SYT2: variants seen among roughly 807,000 people sequenced by gnomAD.
SYT2 encodes the protein synaptotagmin 2.
A neutral mutation model predicts 39.9 loss-of-function variants in SYT2; 15 were observed. That is an observed-to-expected ratio of 0.38 (90% CI 0.25 to 0.58). The LOEUF is 0.58. SYT2 is among the 20% of genes least tolerant of loss of function. SYT2 has a pLI of 0.70. For missense variants in SYT2, 389 were observed against 530.3 expected (o/e 0.73, Z 2.62); for synonymous variants, 181 against 204.5 (o/e 0.89, Z 0.98).
intron 1 of SYT2, among the ~76,000 whole-genome samples, chr1:202,683,164 A>G (rs528125573): frequency 3.1e-4 from 47 of 152,290 alleles, no homozygotes; most frequent in Middle Eastern, 6.8e-3. Context: ...AGCATTTTGG[A>G]AAATGCATAC....
chr1:202,683,188 A>G (rs1364864840), intron 1 of SYT2, among the ~76,000 whole-genome samples: 1 of 152,236 alleles, frequency 6.6e-6, no homozygotes, highest in Non-Finnish European at 1.5e-5. Flanking sequence ...ACAATGACCA[A>G]GCAAAACATA....
In SYT2 at chr1:202,602,538, AC is replaced by A; in HGVS notation, c.472del (p.Val158TrpfsTer43). 6.2e-7 allele frequency: 1 copy of A among 1,612,466 alleles called. No homozygotes were observed. The highest frequency in any genetic ancestry group is 8.5e-7 in the Non-Finnish European group (1 of 1,179,456). ...DYDFQANQLT[V>X]GVLQAAELPA... ...CAGTTCAGCAGCCTGCAGAACGCCC[AC>A]AGTAAGCTGTGGAGAGAGATGGGGA... On this transcript the variant is annotated frameshift_variant, in exon 5 of 9. Coordinates refer to ENST00000367268, the MANE Select transcript of SYT2 (RefSeq NM_177402.5). LOFTEE classifies it high-confidence loss of function.
intron 1 of SYT2, among the ~76,000 whole-genome samples, chr1:202,674,299 G>T (rs1377548638): frequency 6.6e-6 from 1 of 152,040 alleles, no homozygotes; most frequent in South Asian, 2.1e-4. Flanking sequence ...GCAGGGTTTT[G>T]CCATATTGGC....
chr1:202,664,955 G>C (rs893967260), intron 1 of SYT2, among the ~76,000 whole-genome samples: 1 of 152,104 alleles, frequency 6.6e-6, no homozygotes, highest in Non-Finnish European at 1.5e-5. Flanking sequence ...CACTGCACCC[G>C]GACTTCTCAG....
At chr1:202,646,565 G>C (rs1400880304) in intron 1 of SYT2, among the ~76,000 whole-genome samples, 2 of 152,222 alleles carry the variant, frequency 1.3e-5, no homozygotes, top group Non-Finnish European at 2.9e-5. Context: ...TCCTCATGCT[G>C]CCTCTGTATG....
chr1:202,704,425 G>A (rs2149122804), intron 1 of SYT2, among the ~76,000 whole-genome samples: 1 of 152,306 alleles, frequency 6.6e-6, no homozygotes, highest in South Asian at 2.1e-4. Context: ...GAACGTGGAG[G>A]AAAAGGCGGG....
At chr1:202,658,261 T>C (rs1355327003) in intron 1 of SYT2, among the ~76,000 whole-genome samples, 1 of 152,146 alleles carries the variant, frequency 6.6e-6, no homozygotes, top group Non-Finnish European at 1.5e-5. Flanking sequence ...GCATCTGCAC[T>C]GGATGGTGCC....
In SYT2 at chr1:202,601,834, G is replaced by GA; in HGVS notation, c.801+55dup. On this transcript the variant is annotated intron_variant, in intron 6 of 8. Transcript: ENST00000367268. The surrounding 1 kb of genome is among the most constrained non-coding windows in gnomAD (Gnocchi z 4.0). ...CCTGTTTCCATCATGCCAAGAGGTGGAAGCCCACCTGTACATTCGTCTTTC... is the reference window on the plus strand; with the variant it reads ...CCTGTTTCCATCATGCCAAGAGGTGGAAAGCCCACCTGTACATTCGTCTTTC... 3 of 1,567,794 alleles carry GA rather than the reference G, an allele frequency of 1.9e-6. No homozygotes were observed. In the South Asian group the frequency reaches 3.5e-5, roughly 18 times the overall value.
chr1:202,700,710 A>G (rs754357691), intron 1 of SYT2, among the ~76,000 whole-genome samples: 15 of 152,224 alleles, frequency 9.9e-5, no homozygotes, highest in Non-Finnish European at 2.1e-4. Context: ...GGTTTACTAG[A>G]AGGTAGCTAG....
chr1:202,667,516 C>T (rs571774356), intron 1 of SYT2, among the ~76,000 whole-genome samples: 12 of 117,080 alleles, frequency 1.0e-4, no homozygotes, highest in African/African-American at 1.1e-4. Context: ...TGTGTGTGTA[C>T]CTTCCTGTGT....
chr1:202,657,708 C>A (rs892794474), intron 1 of SYT2, among the ~76,000 whole-genome samples: 4 of 151,972 alleles, frequency 2.6e-5, no homozygotes, highest in Non-Finnish European at 5.9e-5. Flanking sequence ...AAACTGAGTG[C>A]AGTCAGCATA....
chr1:202,614,940 C>A lies in SYT2; in HGVS notation c.-17-9151G>T, dbSNP rs1359569694. On this transcript the variant is annotated intron_variant, in intron 1 of 8. Transcript: ENST00000367268. The surrounding 1 kb of genome is among the most constrained non-coding windows in gnomAD (Gnocchi z 4.0). ...AGAGGAATGAGAAGCTGTGGGAGGCCTTTTAGGGTGGGGGCAGGGGTAACA... is the reference window on the plus strand; with the variant it reads ...AGAGGAATGAGAAGCTGTGGGAGGCATTTTAGGGTGGGGGCAGGGGTAACA... 3.3e-5 allele frequency among the ~76,000 whole-genome samples: 5 copies of A among 152,092 alleles called. No homozygotes were observed. Among genetic ancestry groups the A allele is most frequent in the African/African-American group, 1.2e-4 (5 of 41,408 alleles).
intron 1 of SYT2, among the ~76,000 whole-genome samples, chr1:202,684,272 G>GC (rs1392648864): frequency 2.0e-5 from 3 of 151,884 alleles, no homozygotes; most frequent in African/African-American, 7.3e-5. Context: ...CTACATGACT[G>GC]CAAGTTGTAC....
intron 1 of SYT2, among the ~76,000 whole-genome samples, chr1:202,678,088 A>G (rs1401049786): frequency 6.6e-6 from 1 of 152,128 alleles, no homozygotes; most frequent in African/African-American, 2.4e-5. Context: ...AGCCTGGCCA[A>G]TGTGGCGAAA....
intron 1 of SYT2, among the ~76,000 whole-genome samples, chr1:202,681,826 T>TGGCCA (rs1171876659): frequency 6.6e-6 from 1 of 152,216 alleles, no homozygotes; most frequent in Non-Finnish European, 1.5e-5. Context: ...CAGCACCGCC[T>TGGCCA]GGCCAGTGAG....
At chr1:202,683,190 C>A (rs1160989183) in intron 1 of SYT2, among the ~76,000 whole-genome samples, 1 of 152,178 alleles carries the variant, frequency 6.6e-6, no homozygotes, top group Non-Finnish European at 1.5e-5. Context: ...AATGACCAAG[C>A]AAAACATACA....
intron 1 of SYT2, among the ~76,000 whole-genome samples, chr1:202,629,520 T>G (rs962538277): frequency 1.3e-5 from 2 of 152,192 alleles, no homozygotes; most frequent in African/African-American, 4.8e-5. Flanking sequence ...GTCTAGCTGT[T>G]CTTCCTCTAG....
At chr1:202,646,925 C>A (rs1692095800) in intron 1 of SYT2, among the ~76,000 whole-genome samples, 1 of 152,192 alleles carries the variant, frequency 6.6e-6, no homozygotes, top group Non-Finnish European at 1.5e-5. Context: ...ACAAGGTGGA[C>A]AGCAGCTGAA....
At chr1:202,664,074 C>T (rs369487494) in intron 1 of SYT2, among the ~76,000 whole-genome samples, 5 of 152,166 alleles carry the variant, frequency 3.3e-5, no homozygotes, top group African/African-American at 4.8e-5. Context: ...CTCTTTGCAA[C>T]GCAGGTAGGG....
Sources: allele counts gnomAD v4.1 joint callset (sites outside exome capture counted in the v4.1 genomes callset), GRCh38; gene constraint gnomAD v4.1.1; non-coding constraint Gnocchi (gnomAD v3.1); transcripts MANE v1.5; gene names NCBI Gene and HGNC (gene_info 2026-07-23, HGNC 2026-07-21).